Variants in HSD17B7 observed in about 807,000 individuals in gnomAD.
The protein encoded by HSD17B7 is 3-keto-steroid reductase/17-beta-hydroxysteroid dehydrogenase 7.
A neutral mutation model predicts 34.1 loss-of-function variants in HSD17B7; 17 were observed. The ratio of observed to expected loss-of-function variants is 0.50; its 90% CI spans 0.34 to 0.75. The LOEUF is 0.75. Ranked by LOEUF, HSD17B7 falls within the 30% of genes least tolerant of loss-of-function variation. HSD17B7 has a pLI of 0.01. For synonymous variants in HSD17B7, 122 were observed against 154.6 expected (o/e 0.79, Z 1.56); for missense variants, 296 against 406.6 (o/e 0.73, Z 2.34).
chr1:162,810,619 T>G (rs953235570), intron 8 of HSD17B7, among the ~76,000 whole-genome samples: 1 of 151,194 alleles, frequency 6.6e-6, no homozygotes, highest in Non-Finnish European at 1.5e-5. Context: ...ACTTGCTTTA[T>G]GAATCTGGGT....
intron 8 of HSD17B7, among the ~76,000 whole-genome samples, chr1:162,806,750 G>A (rs1558096923): frequency 6.6e-6 from 1 of 152,312 alleles, no homozygotes; most frequent in African/African-American, 2.4e-5. Context: ...GGAATGATTT[G>A]TTTATCAAGG....
At chr1:162,808,082 A>G (rs975211152) in intron 8 of HSD17B7, among the ~76,000 whole-genome samples, 1 of 152,170 alleles carries the variant, frequency 6.6e-6, no homozygotes, top group Non-Finnish European at 1.5e-5. Flanking sequence ...GTTTTCTTCT[A>G]GGGTTTTTAT....
intron 8 of HSD17B7, among the ~76,000 whole-genome samples, chr1:162,807,116 C>G (rs1294123048): frequency 6.6e-6 from 1 of 152,122 alleles, no homozygotes; most frequent in East Asian, 1.9e-4. Context: ...AATGCTATCC[C>G]TCCCCTCTAC....
intron 2 of HSD17B7, 195 bp downstream of exon 2, chr1:162,793,057 G>A (rs1418052132): frequency 2.8e-5 from 12 of 432,826 alleles, no homozygotes; most frequent in Non-Finnish European, 5.0e-5. Flanking sequence ...TTAAAGAGAT[G>A]GAGTCTTGCT....
At chr1:162,811,475 G>A (rs1374126224) in intron 8 of HSD17B7, among the ~76,000 whole-genome samples, 1 of 150,156 alleles carries the variant, frequency 6.7e-6, no homozygotes, top group Middle Eastern at 3.4e-3. Context: ...GCTCTGTGTT[G>A]GCTTGATGAA....
intron 3 of HSD17B7, 56 bp downstream of exon 3, chr1:162,796,733 T>C (rs1648624215): frequency 2.8e-6 from 3 of 1,071,758 alleles, no homozygotes; most frequent in Non-Finnish European, 2.9e-6. Context: ...TTTTTCTGCC[T>C]AGTTTTGATG....
Position 162,800,171 on chromosome 1 carries a change from A to T in HSD17B7, c.642+234A>T, listed in dbSNP as rs955130542. 3 of 666,358 alleles carry T rather than the reference A, an allele frequency of 4.5e-6. No individual in the cohort carries two copies. The Admixed American group carries it at 6.2e-5, about 14-fold the overall frequency. 41.3% of individuals were successfully genotyped at this position (666,358 alleles called of 1,614,324 possible). A position where few individuals can be genotyped will look rare whatever the true frequency, so the allele number is the denominator to read the frequency against. On this transcript the variant is annotated intron_variant, in intron 5 of 8. Coordinates refer to ENST00000254521, the MANE Select transcript of HSD17B7 (RefSeq NM_016371.4). ...TTATGTTAACAGAGTGACACTACTA[A>T]AAGTGATAATAGCTACTGTGTTGGT...
intron 8 of HSD17B7, among the ~76,000 whole-genome samples, chr1:162,811,669 G>T (rs2102239028): frequency 6.6e-6 from 1 of 152,372 alleles, no homozygotes; most frequent in South Asian, 2.1e-4. Flanking sequence ...AAATTGTCAG[G>T]TACTCAAGTT....
intron 5 of HSD17B7, chr1:162,800,374 G>T (rs1370138441): frequency 2.3e-6 from 1 of 434,780 alleles, no homozygotes; most frequent in Non-Finnish European, 4.6e-6. Context: ...AATTGAGCCC[G>T]AGGCTGTCTT....
intron 8 of HSD17B7, 25 bp from the exon 9 acceptor site, chr1:162,812,273 A>G (rs1649192427): frequency 6.2e-7 from 1 of 1,609,582 alleles, no homozygotes; most frequent in East Asian, 2.2e-5. Context: ...ATTTCTAGAC[A>G]TCTCTATTTT....
rs1309979608 is a variant in HSD17B7 at position 162,805,482 on chromosome 1, T to A, written c.893T>A (p.Met298Lys). Residue 298 changes from methionine to lysine, a missense_variant, in exon 8 of 9, where the codon ATG (methionine) becomes AAG (lysine). Coordinates refer to ENST00000254521, the MANE Select transcript of HSD17B7 (RefSeq NM_016371.4). ...ACTGGCTTTGGAAGAAATTACATTATGACCCAGAAGGTAAATGTGCTTACA... is the reference window on the plus strand; with the variant it reads ...ACTGGCTTTGGAAGAAATTACATTAAGACCCAGAAGGTAAATGTGCTTACA... Reference protein sequence around the residue: ...ATTGFGRNYIMTQKMDLDEDT... With the variant: ...ATTGFGRNYIKTQKMDLDEDT... 6.2e-7 allele frequency: 1 copy of A among 1,612,886 alleles called. No individual in the cohort carries two copies. Among genetic ancestry groups the A allele is most frequent in the Non-Finnish European group, 8.5e-7 (1 of 1,179,218 alleles).
chr1:162,812,146 A>G, intron 8 of HSD17B7, 152 bp from the exon 9 acceptor site: 2 of 952,746 alleles, frequency 2.1e-6, no homozygotes, highest in African/African-American at 1.7e-5. Flanking sequence ...GTATGTCTTC[A>G]GGCTCTCAGC....
intron 8 of HSD17B7, among the ~76,000 whole-genome samples, chr1:162,811,227 T>A (rs1246234638): frequency 3.9e-5 from 6 of 152,222 alleles, no homozygotes. Context: ...TGGCTGGATA[T>A]GAAATTCTGG....
Position 162,805,389 on chromosome 1 carries a change from T to C in HSD17B7, c.805-5T>C, listed in dbSNP as rs1447918510. ...ACAAATCATTGACACATCCTTCCTT[T>C]CCAGGTATGGCTTTTCCACCAAAAG... On this transcript the variant is annotated splice_polypyrimidine_tract_variant and splice_region_variant and intron_variant, in intron 7 of 8. Coordinates refer to ENST00000254521, the MANE Select transcript of HSD17B7 (RefSeq NM_016371.4). 1 of 1,612,510 alleles carries C rather than the reference T, an allele frequency of 6.2e-7. No homozygotes were observed. Among genetic ancestry groups the C allele is most frequent in the Non-Finnish European group, 8.5e-7 (1 of 1,179,114 alleles).
intron 2 of HSD17B7, chr1:162,795,582 T>A (rs1648573978): frequency 2.3e-6 from 1 of 439,692 alleles, no homozygotes; most frequent in African/African-American, 2.0e-5. Flanking sequence ...TTTTAAATGG[T>A]CAATTTAATA....
intron 2 of HSD17B7, among the ~76,000 whole-genome samples, chr1:162,794,342 A>G (rs1422124140): frequency 1.3e-5 from 2 of 152,168 alleles, no homozygotes; most frequent in Non-Finnish European, 1.5e-5. Context: ...TTCCAAATGC[A>G]CAAGTTACAA....
intron 6 of HSD17B7, among the ~76,000 whole-genome samples, 176 bp from the exon 7 acceptor site, chr1:162,804,091 T>A (rs554815366): frequency 1.3e-5 from 2 of 152,290 alleles, no homozygotes; most frequent in African/African-American, 4.8e-5. Flanking sequence ...TTAAAAGTAG[T>A]GGATTTGGAA....
At chr1:162,809,165 G>T (rs1336139180) in intron 8 of HSD17B7, among the ~76,000 whole-genome samples, 1 of 152,178 alleles carries the variant, frequency 6.6e-6, no homozygotes, top group Non-Finnish European at 1.5e-5. Flanking sequence ...TTTATTGAGA[G>T]TTTTTAGCAT....
chr1:162,800,630 G>C (rs1648777773), intron 5 of HSD17B7, among the ~76,000 whole-genome samples: 1 of 152,182 alleles, frequency 6.6e-6, no homozygotes, highest in Admixed American at 6.5e-5. Flanking sequence ...TTCTTTGTAT[G>C]TCTCTGTTGC....
Sources: allele counts gnomAD v4.1 joint callset (sites outside exome capture counted in the v4.1 genomes callset), GRCh38; gene constraint gnomAD v4.1.1; transcripts MANE v1.5; gene names NCBI Gene and HGNC (gene_info 2026-07-23, HGNC 2026-07-21).